SMYD2: variants seen among roughly 807,000 people sequenced by gnomAD.
SMYD2 encodes SET and MYND domain containing 2.
A neutral mutation model predicts 59.1 loss-of-function variants in SMYD2; 53 were observed. That is an observed-to-expected ratio of 0.90 (90% CI 0.72 to 1.13). SMYD2 has a LOEUF of 1.13. SMYD2 is among the 50% of genes most tolerant of loss of function. The probability of loss-of-function intolerance (pLI) is 0.00; values close to 1 mark genes in which losing one functional copy is unlikely to be tolerated. For missense variants in SMYD2, 494 were observed against 544.7 expected, an observed-to-expected ratio of 0.91 and a Z score of 0.93; for synonymous variants, 208 against 198.8, an observed-to-expected ratio of 1.05 and a Z score of -0.39.
At chr1:214,325,807 C>T (rs1657251698) in intron 6 of SMYD2, among the ~76,000 whole-genome samples, 1 of 146,134 alleles carries the variant, frequency 6.8e-6, no homozygotes, top group African/African-American at 2.5e-5. Context: ...AACTTTGGCC[C>T]CTGGGAAAAG....
At chr1:214,297,640 T>C (rs189082034) in intron 1 of SMYD2, among the ~76,000 whole-genome samples, 7 of 152,340 alleles carry the variant, frequency 4.6e-5, no homozygotes, top group South Asian at 2.1e-4. Context: ...ATGAGACTTA[T>C]GAAGAGTTTA....
chr1:214,296,760 G>A (rs1018375896), intron 1 of SMYD2, among the ~76,000 whole-genome samples: 3 of 150,964 alleles, frequency 2.0e-5, no homozygotes, highest in Admixed American at 6.6e-5. Flanking sequence ...AGTACATCAA[G>A]TACCAGAAAG....
rs1487690375 is a variant in SMYD2, at chr1:214,318,994, TG to T, written c.534+13del. ...GTACTCTTTGCACAGGTAAGGACGC[TG>T]GCAGCAGGTAACACTCAGTCTGGCC... On this transcript the variant is annotated intron_variant, in intron 5 of 11. Coordinates refer to ENST00000366957, the MANE Select transcript of SMYD2 (RefSeq NM_020197.3). This position sits in a 1 kb window ranked among gnomAD's most constrained non-coding sequence, Gnocchi z 5.4. 2.5e-6 allele frequency: 4 copies of T among 1,613,118 alleles called. No homozygotes were observed. Among genetic ancestry groups the T allele is most frequent in the Non-Finnish European group, 3.4e-6 (4 of 1,179,594 alleles).
At chr1:214,293,458 C>T (rs1656671313) in intron 1 of SMYD2, among the ~76,000 whole-genome samples, 1 of 152,078 alleles carries the variant, frequency 6.6e-6, no homozygotes, top group Non-Finnish European at 1.5e-5. Context: ...TTTGAACATC[C>T]TACTATTCCA....
intron 1 of SMYD2, among the ~76,000 whole-genome samples, chr1:214,303,903 C>G (rs1414190483): frequency 6.6e-6 from 1 of 152,232 alleles, no homozygotes; most frequent in African/African-American, 2.4e-5. Flanking sequence ...CTCCACAAGT[C>G]CAGAAGCTGG....
chr1:214,289,849 T>C (rs576265156), intron 1 of SMYD2, among the ~76,000 whole-genome samples: 1 of 152,344 alleles, frequency 6.6e-6, no homozygotes, highest in African/African-American at 2.4e-5. Flanking sequence ...AGGCAGGGCA[T>C]TTTGAGGTCT....
intron 3 of SMYD2, among the ~76,000 whole-genome samples, chr1:214,317,515 C>G (rs1657105842): frequency 6.6e-6 from 1 of 152,196 alleles, no homozygotes; most frequent in African/African-American, 2.4e-5. Flanking sequence ...TTGTCAACAC[C>G]AAGTTTATTC....
rs201567034 is a variant in SMYD2 at position 214,281,396 on chromosome 1, C to T, written c.142C>T (p.Arg48Trp). The T allele has an allele frequency of 1.4e-4, 209 of 1,463,010 alleles. No homozygotes were observed. The highest frequency in any genetic ancestry group is 1.8e-4 in the Non-Finnish European group (202 of 1,102,274). 90.6% of individuals were successfully genotyped at this position (1,463,010 alleles called of 1,614,324 possible). ...AYAYVLTVNE[R>W]GNHCEYCFTR... Reference sequence around the variant, plus strand: ...TGCCTACGTGCTCACGGTCAACGAGCGGGGCAACCACTGCGAGTACTGCTT... The same window carrying T: ...TGCCTACGTGCTCACGGTCAACGAGTGGGGCAACCACTGCGAGTACTGCTT... Residue 48 changes from arginine to tryptophan, a missense_variant, in exon 1 of 12, where the codon CGG (arginine) becomes TGG (tryptophan). Transcript: ENST00000366957.
chr1:214,306,140 G>A (rs913201847), intron 2 of SMYD2, among the ~76,000 whole-genome samples: 2 of 152,134 alleles, frequency 1.3e-5, no homozygotes, highest in African/African-American at 2.4e-5. Flanking sequence ...GTTAAAGGGT[G>A]GCTCTACGGG....
Position 214,312,943 on chromosome 1 carries a change from G to C in SMYD2, c.238-1819G>C, listed in dbSNP as rs1657020999. 6.6e-6 allele frequency among the ~76,000 whole-genome samples: 1 copy of C among 152,218 alleles called. No individual in the cohort carries two copies. The highest frequency in any genetic ancestry group is 6.5e-5 in the Admixed American group (1 of 15,288). ...GACAGAAGCGGGCATCCAGTTAGAAGGCAGTGGCAGGACATTAGTCATGAG... is the reference window on the plus strand; with the variant it reads ...GACAGAAGCGGGCATCCAGTTAGAACGCAGTGGCAGGACATTAGTCATGAG... On this transcript the variant is annotated intron_variant, in intron 2 of 11. Coordinates refer to ENST00000366957, the MANE Select transcript of SMYD2 (RefSeq NM_020197.3). The surrounding 1 kb of genome is among the most constrained non-coding windows in gnomAD (Gnocchi z 4.1).
chr1:214,306,000 C>G (rs1383891064), intron 2 of SMYD2, among the ~76,000 whole-genome samples: 2 of 152,150 alleles, frequency 1.3e-5, no homozygotes, highest in Admixed American at 6.5e-5. Flanking sequence ...ACTTCAGAAC[C>G]TGTTATAGTC....
At chr1:214,293,295 C>G (rs1268675040) in intron 1 of SMYD2, among the ~76,000 whole-genome samples, 1 of 152,148 alleles carries the variant, frequency 6.6e-6, no homozygotes, top group African/African-American at 2.4e-5. Context: ...CTCAGGTGAT[C>G]TACCCACCTT....
intron 9 of SMYD2, chr1:214,331,799 G>A (rs531936697): frequency 1.6e-4 from 85 of 528,616 alleles, no homozygotes; most frequent in Non-Finnish European, 2.3e-4. Flanking sequence ...TGGACCCTGC[G>A]GCTAAAATTC....
At chr1:214,309,286 G>A (rs989623752) in intron 2 of SMYD2, among the ~76,000 whole-genome samples, 16 of 152,056 alleles carry the variant, frequency 1.1e-4, no homozygotes, top group Admixed American at 7.2e-4. Context: ...AGTTGGGTGC[G>A]TTATTTTGTA....
chr1:214,313,697 C>T (rs1657035857), intron 2 of SMYD2, among the ~76,000 whole-genome samples: 1 of 152,048 alleles, frequency 6.6e-6, no homozygotes, highest in South Asian at 2.1e-4. Flanking sequence ...AGCCTATCTC[C>T]AGCACTGGCA....
At chr1:214,321,014 A>G (rs995693925) in intron 5 of SMYD2, among the ~76,000 whole-genome samples, 2 of 152,214 alleles carry the variant, frequency 1.3e-5, no homozygotes, top group Non-Finnish European at 2.9e-5. Context: ...TGAAATAAAC[A>G]TAAAGTATCT....
intron 10 of SMYD2, chr1:214,333,693 C>A (rs1657393308): frequency 1.4e-5 from 2 of 145,856 alleles, no homozygotes. Flanking sequence ...GTTCTGACTT[C>A]AGAGCACTTA....
intron 1 of SMYD2, among the ~76,000 whole-genome samples, chr1:214,300,780 G>A (rs1255853548): frequency 6.6e-6 from 1 of 152,158 alleles, no homozygotes; most frequent in East Asian, 1.9e-4. Flanking sequence ...GTTGTTTCAT[G>A]TCTAAGATCC....
rs116308517 is a variant in SMYD2, at chr1:214,285,970, A to G, written c.173+4543A>G. On this transcript the variant is annotated intron_variant, in intron 1 of 11. Coordinates refer to ENST00000366957, the MANE Select transcript of SMYD2 (RefSeq NM_020197.3). ...AACATAGAAAAGGCACAGTGAGAAT[A>G]TGGTATCACAGTCTTATGACCACCT... Among the ~76,000 whole-genome samples the G allele has an allele frequency of 4.4e-3, 675 of 152,352 alleles. 6 individuals are homozygous for G. The highest frequency in any genetic ancestry group is 0.015 in the African/African-American group (628 of 41,586).
Sources: gnomAD v4.1 joint callset for allele counts (sites outside exome capture counted in the v4.1 genomes callset) on GRCh38, gnomAD v4.1.1 for gene constraint, Gnocchi (gnomAD v3.1) non-coding constraint, MANE v1.5 for transcripts, NCBI Gene and HGNC (gene_info 2026-07-23, HGNC 2026-07-21) for gene names.